GRAMD4: variants seen among roughly 807,000 people sequenced by gnomAD.
GRAMD4 encodes the protein GRAM domain containing 4, also known as GRAM domain-containing protein 4.
GRAMD4 carries 25 observed loss-of-function variants against 83.9 expected under a neutral mutation model. The ratio of observed to expected loss-of-function variants is 0.30; its 90% CI spans 0.22 to 0.42. The LOEUF is 0.42. Among genes scored for constraint, GRAMD4 ranks in the 10% least tolerant of loss-of-function variants. GRAMD4 has a pLI of 1.00. For synonymous variants in GRAMD4, 336 were observed against 320.9 expected, an observed-to-expected ratio of 1.05 and a Z score of -0.50; for missense variants, 593 against 788.7, an observed-to-expected ratio of 0.75 and a Z score of 2.97.
intron 1 of GRAMD4, among the ~76,000 whole-genome samples, chr22:46,578,173 G>T (rs1480483022): frequency 2.0e-5 from 3 of 152,208 alleles, no homozygotes; most frequent in African/African-American, 7.2e-5. Flanking sequence ...CCTTTTGCAG[G>T]ATGGGGTTCC....
rs1447306719 is a variant in GRAMD4, at chr22:46,621,751, G to T, written c.-50+1186G>T. Among the ~76,000 whole-genome samples the T allele has an allele frequency of 2.0e-5, 3 of 151,514 alleles. No individual in the cohort carries two copies. The highest frequency in any genetic ancestry group is 2.0e-4 in the Admixed American group (3 of 15,268). On this transcript the variant is annotated intron_variant, in intron 1 of 18. Transcript: ENST00000406902. This position sits in a 1 kb window ranked among gnomAD's most constrained non-coding sequence, Gnocchi z 5.8. ...TCGCGGAGGGCACCCCTACCCCGGTGCAGGCGCAGGCTGGAAGTGTAGCCC... is the reference window on the plus strand; with the variant it reads ...TCGCGGAGGGCACCCCTACCCCGGTTCAGGCGCAGGCTGGAAGTGTAGCCC...
chr22:46,640,868 C>A (rs1404340839), intron 3 of GRAMD4, among the ~76,000 whole-genome samples: 1 of 148,118 alleles, frequency 6.8e-6, no homozygotes, highest in Non-Finnish European at 1.5e-5. Context: ...CAGCCAGCAT[C>A]CTCTCATTTC....
At chr22:46,613,925 G>A (rs2081443122) in intron 1 of GRAMD4, among the ~76,000 whole-genome samples, 1 of 152,198 alleles carries the variant, frequency 6.6e-6, no homozygotes, top group African/African-American at 2.4e-5. Flanking sequence ...GTGGGTGAGG[G>A]GAGGCTGCTG....
intron 1 of GRAMD4, among the ~76,000 whole-genome samples, chr22:46,585,640 C>T (rs748680369): frequency 6.6e-6 from 1 of 152,190 alleles, no homozygotes; most frequent in Non-Finnish European, 1.5e-5. Flanking sequence ...ATCACCTGTC[C>T]GGGGCACCTG....
In GRAMD4 at chr22:46,672,794, G is replaced by A; in HGVS notation, c.1085-49G>A. The A allele has an allele frequency of 1.3e-6, 2 of 1,490,878 alleles. No individual in the cohort carries two copies. Among genetic ancestry groups the A allele is most frequent in the Non-Finnish European group, 1.9e-6 (2 of 1,079,816 alleles). 92.4% of individuals were successfully genotyped at this position (1,490,878 alleles called of 1,614,324 possible). On this transcript the variant is annotated intron_variant, in intron 13 of 18. Transcript: ENST00000406902. This position sits in a 1 kb window ranked among gnomAD's most constrained non-coding sequence, Gnocchi z 4.7. ...CGGAACCATCACCCTGAGTAGACTG[G>A]CATAGCTGCAGAGCTCTAGATGGAG...
Position 46,677,277 on chromosome 22 carries a change from G to C in GRAMD4, c.*26G>C. ...TATTGACTTGCCCAGGACGTTGCTG[G>C]AATTTTCTTTTTCTTTTTCTTTTTC... On this transcript the variant is annotated 3_prime_UTR_variant, in exon 19 of 19. Coordinates refer to ENST00000406902, the MANE Select transcript of GRAMD4 (RefSeq NM_015124.5). 1 of 1,571,550 alleles carries C rather than the reference G, an allele frequency of 6.4e-7. No homozygotes were observed. Among genetic ancestry groups the C allele is most frequent in the Non-Finnish European group, 8.6e-7 (1 of 1,167,224 alleles).
chr22:46,624,127 T>C (rs1428784117), intron 1 of GRAMD4, among the ~76,000 whole-genome samples: 10 of 152,104 alleles, frequency 6.6e-5, no homozygotes, highest in Admixed American at 5.9e-4. Context: ...TCATGTATCA[T>C]ATTTGTTACC....
At chr22:46,662,729 G>C (rs547614722) in intron 5 of GRAMD4, among the ~76,000 whole-genome samples, 116 of 152,296 alleles carry the variant, frequency 7.6e-4, no homozygotes, top group African/African-American at 2.6e-3. Flanking sequence ...GCCCGCTGAC[G>C]AGAGCCCAGG....
In GRAMD4 at chr22:46,663,859, G is replaced by T. The variant is rs1329122463; in HGVS notation, c.621G>T (p.Arg207=). The T allele has an allele frequency of 2.5e-6, 4 of 1,613,228 alleles. No homozygotes were observed. The highest frequency in any genetic ancestry group is 1.3e-5 in the African/African-American group (1 of 74,924). The change falls in exon 7 of 19, where the codon CGG becomes CGT. Residue 207 remains arginine (R), a synonymous_variant. Transcript: ENST00000406902. ...TTAGGTTAACTGAAAATATGAGACG[G>T]CTCAGTGAGTACCAGCGGCTCTGCG... ...SARRLTENMR[R]LKRGAKPVTN... is the part of the protein sequence containing the mutation.
chr22:46,605,585 G>A (rs947546233), intron 1 of GRAMD4, among the ~76,000 whole-genome samples: 1 of 152,240 alleles, frequency 6.6e-6, no homozygotes, highest in South Asian at 2.1e-4. Context: ...CAAGGGTTCC[G>A]GTTTCTCCCC....
chr22:46,658,295 T>A lies in GRAMD4; in HGVS notation c.392T>A (p.Val131Glu). 6.2e-7 allele frequency: 1 copy of A among 1,611,262 alleles called. No individual in the cohort carries two copies. The highest frequency in any genetic ancestry group is 8.5e-7 in the Non-Finnish European group (1 of 1,179,394). ...RMELEQKVQE[V>E]LKARTEEQMA... is the part of the protein sequence containing the mutation. ...GAGCTGGAGCAGAAGGTGCAGGAGG[T>A]GCTGAAGGCCAGGTACCGCGCCTTC... The change falls in exon 4 of 19, where the codon GTG becomes GAG. Residue 131 changes from valine (V) to glutamate (E), a missense_variant. By Grantham distance (121) the Val-to-Glu change is moderately radical. Coordinates refer to ENST00000406902, the MANE Select transcript of GRAMD4 (RefSeq NM_015124.5).
At chr22:46,587,640 CGTCCTGTCCT>C (rs527792297) in intron 1 of GRAMD4, among the ~76,000 whole-genome samples, 3 of 151,974 alleles carry the variant, frequency 2.0e-5, no homozygotes, top group Admixed American at 6.5e-5. Context: ...GGCAAGGCTC[CGTCCTGTCCT>C]GTCCTGTCCT....
At chr22:46,587,299 T>G (rs2081160269) in intron 1 of GRAMD4, among the ~76,000 whole-genome samples, 1 of 152,100 alleles carries the variant, frequency 6.6e-6, no homozygotes, top group African/African-American at 2.4e-5. Context: ...CCCAGCAAGG[T>G]GTGTGAATCA....
In GRAMD4 at chr22:46,673,770, T is replaced by G; in HGVS notation, c.1340T>G (p.Phe447Cys). 1 of 1,613,020 alleles carries G rather than the reference T, an allele frequency of 6.2e-7. No homozygotes were observed. The change falls in exon 15 of 19, where the codon TTC becomes TGC. Residue 447 changes from phenylalanine (F) to cysteine (C), a missense_variant. Around this residue, in one of 4 missense-constraint regions of GRAMD4, gnomAD observed 171 missense variants for 199.6 expected, o/e 0.86. Coordinates refer to ENST00000406902, the MANE Select transcript of GRAMD4 (RefSeq NM_015124.5). ...GRFHSTKKGN[F>C]HEIFNLTENE... ...TTCCACAGCACCAAGAAGGGCAATT[T>G]CCACGAGATCTTCAATCTGACAGAA...
chr22:46,618,226 C>T (rs770688155), upstream of GRAMD4, among the ~76,000 whole-genome samples: 6 of 152,114 alleles, frequency 3.9e-5, no homozygotes, highest in Admixed American at 6.5e-5. This position sits in a 1 kb window ranked among gnomAD's most constrained non-coding sequence, Gnocchi z 5.8. Flanking sequence ...TGAGCATCAC[C>T]GGCAGAGCCG....
chr22:46,680,833 T>A (rs1432653919), downstream of GRAMD4, among the ~76,000 whole-genome samples: 1 of 100,978 alleles, frequency 9.9e-6, no homozygotes, highest in African/African-American at 5.2e-5. Context: ...CATCCATCCA[T>A]CCATCCATCC....
chr22:46,657,167 G>A (rs894624449), intron 3 of GRAMD4, among the ~76,000 whole-genome samples: 1 of 152,256 alleles, frequency 6.6e-6, no homozygotes, highest in African/African-American at 2.4e-5. Flanking sequence ...TGGATGGGCT[G>A]GGGTGGGGAG....
Position 46,620,551 on chromosome 22 carries a change from C to T in GRAMD4, c.-64C>T, listed in dbSNP as rs2081558471. 4 of 694,450 alleles carry T rather than the reference C, an allele frequency of 5.8e-6. No homozygotes were observed. The highest frequency in any genetic ancestry group is 5.1e-6 in the Non-Finnish European group (3 of 592,530). The allele number at this position is 694,450 out of a possible 1,614,324, so 43.0% of individuals were successfully genotyped here. A position where few individuals can be genotyped will look rare whatever the true frequency, so the allele number is the denominator to read the frequency against. Reference sequence around the variant, plus strand: ...AGTGAAAGAGTGTTTCTGGATGTATCTGAGACAGACGGAGGTAGGGGGCAG... The same window carrying T: ...AGTGAAAGAGTGTTTCTGGATGTATTTGAGACAGACGGAGGTAGGGGGCAG... On this transcript the variant is annotated 5_prime_UTR_variant, in exon 1 of 19. Transcript: ENST00000406902. This position sits in a 1 kb window ranked among gnomAD's most constrained non-coding sequence, Gnocchi z 4.7.
At chr22:46,616,904 G>A (rs1488968649), upstream of GRAMD4, among the ~76,000 whole-genome samples, 2 of 27,644 alleles carry the variant, frequency 7.2e-5, no homozygotes, top group African/African-American at 1.2e-4. Context: ...AGTTTCCCCC[G>A]TGTGTAGGTT....
Sources: gnomAD v4.1 joint callset for allele counts (sites outside exome capture counted in the v4.1 genomes callset) on GRCh38, gnomAD v4.1.1 for gene constraint, gnomAD v4.1.1 regional missense constraint, Gnocchi (gnomAD v3.1) non-coding constraint, MANE v1.5 for transcripts, NCBI Gene and HGNC (gene_info 2026-07-23, HGNC 2026-07-21) for gene names.